Variants in STXBP4 observed in about 807,000 individuals in gnomAD.
The protein encoded by STXBP4 is syntaxin binding protein 4.
Under a neutral mutation model 76.1 loss-of-function variants are expected in STXBP4, and 55 were observed. The observed-to-expected ratio is 0.72, with a 90% CI of 0.58 to 0.91. The LOEUF (loss-of-function observed/expected upper bound fraction) is 0.91, where lower values mean the gene tolerates loss of function less well. Ranked by LOEUF, STXBP4 falls within the 40% of genes least tolerant of loss-of-function variation. STXBP4 has a pLI of 0.00. For synonymous variants in STXBP4, 201 were observed against 220.2 expected, an observed-to-expected ratio of 0.91 and a Z score of 0.77; for missense variants, 618 against 636.9, an observed-to-expected ratio of 0.97 and a Z score of 0.32.
At chr17:54,979,504 C>A (rs2144316964) in intron 1 of STXBP4, among the ~76,000 whole-genome samples, 1 of 152,256 alleles carries the variant, frequency 6.6e-6, no homozygotes, top group South Asian at 2.1e-4. Flanking sequence ...CCTCCTTTAG[C>A]CCCTTTCTTT....
the STXBP4 span, among the ~76,000 whole-genome samples, chr17:55,192,553 T>G: frequency 6.6e-6 from 1 of 152,276 alleles, no homozygotes; most frequent in African/African-American, 2.4e-5. Flanking sequence ...GACTCCTACA[T>G]CAATTGAGTT....
intron 16 of STXBP4, among the ~76,000 whole-genome samples, chr17:55,134,254 A>G (rs1418884380): frequency 6.6e-6 from 1 of 151,960 alleles, no homozygotes; most frequent in Non-Finnish European, 1.5e-5. Context: ...GTAAGAAGCA[A>G]GGTCATCAGC....
chr17:55,045,976 A>G (rs2078779924), intron 11 of STXBP4, among the ~76,000 whole-genome samples: 1 of 152,094 alleles, frequency 6.6e-6, no homozygotes, highest in Non-Finnish European at 1.5e-5. Context: ...ATCCTGTGAC[A>G]TCTCTATTCT....
At chr17:54,992,256 A>T (rs1406890842) in intron 4 of STXBP4, among the ~76,000 whole-genome samples, 1 of 151,468 alleles carries the variant, frequency 6.6e-6, no homozygotes, top group East Asian at 1.9e-4. Flanking sequence ...TCTATTAAAA[A>T]TTAAAAAAAA....
chr17:55,001,343 G>A (rs1266072288), intron 7 of STXBP4, among the ~76,000 whole-genome samples: 1 of 152,066 alleles, frequency 6.6e-6, no homozygotes, highest in Non-Finnish European at 1.5e-5. Context: ...TGTCAGTATT[G>A]TTAATTCATT....
the STXBP4 span, among the ~76,000 whole-genome samples, chr17:55,205,084 C>T: frequency 2.6e-5 from 4 of 152,152 alleles, no homozygotes; most frequent in East Asian, 3.9e-4. Flanking sequence ...TGGAGTTTGA[C>T]TGGATAAATC....
At chr17:55,015,867 C>G (rs1462174972) in intron 8 of STXBP4, among the ~76,000 whole-genome samples, 1 of 152,204 alleles carries the variant, frequency 6.6e-6, no homozygotes. Context: ...GTACATATGG[C>G]ACTTCACTCA....
chr17:55,106,916 G>C (rs935139063), intron 16 of STXBP4, among the ~76,000 whole-genome samples: 7 of 152,154 alleles, frequency 4.6e-5, no homozygotes, highest in Admixed American at 4.6e-4. Flanking sequence ...ATGTGTCTTG[G>C]GGTTGCTCTT....
the STXBP4 span, among the ~76,000 whole-genome samples, chr17:55,211,552 CA>C: frequency 1.3e-5 from 2 of 152,070 alleles, no homozygotes; most frequent in Admixed American, 6.5e-5. Context: ...CATTCTGTTC[CA>C]CTTATTTCCC....
chr17:54,984,769 T>C (rs1463694681), intron 1 of STXBP4, among the ~76,000 whole-genome samples: 1 of 152,178 alleles, frequency 6.6e-6, no homozygotes, highest in African/African-American at 2.4e-5. Context: ...GATATCAGCT[T>C]TCTTTACCTT....
At chr17:55,074,896 C>CT (rs1028303813) in intron 13 of STXBP4, among the ~76,000 whole-genome samples, 10 of 147,462 alleles carry the variant, frequency 6.8e-5, no homozygotes, top group Admixed American at 1.4e-4. Flanking sequence ...AGAAGGAAAC[C>CT]TTTTTTTTTT....
At chr17:55,196,996 A>G in the STXBP4 span, among the ~76,000 whole-genome samples, 3 of 152,244 alleles carry the variant, frequency 2.0e-5, no homozygotes, top group Admixed American at 6.5e-5. Context: ...GGTCTTTAAT[A>G]TAATAAGCCA....
In STXBP4 at chr17:55,161,786, A is replaced by G. The variant is rs2080339175; in HGVS notation, c.*1875A>G. The G allele has an allele frequency of 6.6e-6, 1 of 152,202 alleles. No homozygotes were observed. Among genetic ancestry groups the G allele is most frequent in the African/African-American group, 2.4e-5 (1 of 41,448 alleles). The allele number at this position is 152,202 out of a possible 1,614,324, so 9.4% of individuals were successfully genotyped here. A position where few individuals can be genotyped will look rare whatever the true frequency, so the allele number is the denominator to read the frequency against. ...TTTATGATCTTCTTAAAACCATTCCATGAAATAGGAACTGTAATTATCCCC... is the reference window on the plus strand; with the variant it reads ...TTTATGATCTTCTTAAAACCATTCCGTGAAATAGGAACTGTAATTATCCCC... On this transcript the variant is annotated 3_prime_UTR_variant, in exon 18 of 18. Transcript: ENST00000376352.
At chr17:55,062,503 G>C (rs2079006481) in intron 12 of STXBP4, among the ~76,000 whole-genome samples, 1 of 152,072 alleles carries the variant, frequency 6.6e-6, no homozygotes, top group Non-Finnish European at 1.5e-5. Context: ...ATGGGCATTT[G>C]GGTTGATTCC....
chr17:54,978,065 T>A (rs1022726854), intron 1 of STXBP4, among the ~76,000 whole-genome samples: 22 of 152,132 alleles, frequency 1.4e-4, no homozygotes, highest in African/African-American at 5.1e-4. Flanking sequence ...CCCCATCCCA[T>A]TCATGGGTCA....
intron 8 of STXBP4, among the ~76,000 whole-genome samples, chr17:55,008,458 C>CATCGGT (rs1401417963): frequency 5.3e-5 from 8 of 152,054 alleles, no homozygotes. Flanking sequence ...TTTTCTCACC[C>CATCGGT]ATCGGTAGAT....
At chr17:55,136,105 A>G (rs544451583) in intron 16 of STXBP4, among the ~76,000 whole-genome samples, 1 of 152,304 alleles carries the variant, frequency 6.6e-6, no homozygotes, top group East Asian at 1.9e-4. Context: ...TGTGATGTAC[A>G]ATGAATTAAT....
At chr17:55,091,712 AGT>A (rs1228262222) in intron 16 of STXBP4, among the ~76,000 whole-genome samples, 1 of 152,248 alleles carries the variant, frequency 6.6e-6, no homozygotes, top group Non-Finnish European at 1.5e-5. Context: ...TGACCAGAAT[AGT>A]GACACCTTTA....
chr17:55,197,101 C>T, the STXBP4 span, among the ~76,000 whole-genome samples: 1 of 152,182 alleles, frequency 6.6e-6, no homozygotes, highest in Admixed American at 6.5e-5. Context: ...ACTACTGACA[C>T]ATTAAAACAA....
Sources: allele counts gnomAD v4.1 joint callset (sites outside exome capture counted in the v4.1 genomes callset), GRCh38; gene constraint gnomAD v4.1.1; transcripts MANE v1.5; gene names NCBI Gene and HGNC (gene_info 2026-07-23, HGNC 2026-07-21).